Variants in ADAM19 observed in about 807,000 individuals in gnomAD.
ADAM19 encodes ADAM metallopeptidase domain 19, also known as disintegrin and metalloproteinase domain-containing protein 19.
ADAM19 carries 65 observed loss-of-function variants against 114.7 expected under a neutral mutation model. The ratio of observed to expected loss-of-function variants is 0.57; its 90% CI spans 0.46 to 0.70. The LOEUF (loss-of-function observed/expected upper bound fraction) is 0.70. Among genes scored for constraint, ADAM19 ranks in the 30% least tolerant of loss-of-function variants. The pLI is 0.00. For synonymous variants in ADAM19, 466 were observed against 460.5 expected (o/e 1.01, Z -0.15); for missense variants, 1,063 against 1,204.7 (o/e 0.88, Z 1.74).
intron 3 of ADAM19, among the ~76,000 whole-genome samples, chr5:157,538,734 T>C (rs868139794): frequency 6.6e-6 from 1 of 152,154 alleles, no homozygotes; most frequent in Non-Finnish European, 1.5e-5. Flanking sequence ...AGGTTAAGAA[T>C]CCCCTCACCA....
At position 157,477,521 on chromosome 5, in the gene ADAM19, C is replaced by T. The variant is rs892304721; in HGVS notation, c.*3428G>A. 3.7e-5 allele frequency: 42 copies of T among 1,141,828 alleles called. No homozygotes were observed. Among genetic ancestry groups the T allele is most frequent in the African/African-American group, 6.5e-5 (4 of 61,910 alleles). 70.7% of individuals were successfully genotyped at this position (1,141,828 alleles called of 1,614,324 possible). On this transcript the variant is annotated 3_prime_UTR_variant, in exon 23 of 23. Transcript: ENST00000257527. Reference sequence around the variant, plus strand: ...CAGACACATACAAACGCACAGTGGACGGTGTGAGAGGACGCGTTGGGGGTG... The same window carrying T: ...CAGACACATACAAACGCACAGTGGATGGTGTGAGAGGACGCGTTGGGGGTG...
intron 18 of ADAM19, among the ~76,000 whole-genome samples, chr5:157,491,367 C>T (rs1359549386): frequency 6.6e-6 from 1 of 152,232 alleles, no homozygotes; most frequent in African/African-American, 2.4e-5. Context: ...GTCTCTCTTA[C>T]TCTCACTCTA....
At chr5:157,543,870 A>C (rs11739504) in intron 3 of ADAM19, among the ~76,000 whole-genome samples, 10,317 of 152,236 alleles carry the variant, frequency 0.068, 460 homozygotes, top group Middle Eastern at 0.15. Flanking sequence ...CATGGCCTGC[A>C]CTAGTCTAGA....
At position 157,480,227 on chromosome 5, in the gene ADAM19, G is replaced by A. The variant is rs1027260329; in HGVS notation, c.*722C>T. On this transcript the variant is annotated 3_prime_UTR_variant, in exon 23 of 23. Coordinates refer to ENST00000257527, the MANE Select transcript of ADAM19 (RefSeq NM_033274.5). ...TAAAAATTATCCAGAGTCAGGAGTC[G>A]CAACCTTTGGCATCACGGCTCAGAG... 12 of 986,014 alleles carry A rather than the reference G, an allele frequency of 1.2e-5. No homozygotes were observed. The African/African-American group carries it at 1.4e-4, about 11-fold the overall frequency. 61.1% of individuals were successfully genotyped at this position (986,014 alleles called of 1,614,324 possible).
chr5:157,494,894 G>A, intron 14 of ADAM19, 99 bp from the exon 15 acceptor site: 6 of 900,954 alleles, frequency 6.7e-6, no homozygotes, highest in Non-Finnish European at 1.0e-5. Flanking sequence ...AATATTTTCT[G>A]GGAGGGAATA....
chr5:157,502,911 A>G lies in ADAM19; in HGVS notation c.1200T>C (p.Gly400=). ...RELDRYLQSG[G]GMCLSNMPDT... is the part of the protein sequence containing the mutation. ...CTGGCATGTTGGAGAGACACATTCC[A>G]CCACCTGACTGCAGATACCTGTCCA... The change falls in exon 12 of 23, where the codon GGT becomes GGC. Residue 400 remains glycine, a synonymous_variant. Transcript: ENST00000257527. 1 of 1,613,944 alleles carries G rather than the reference A, an allele frequency of 6.2e-7. No homozygotes were observed. Among genetic ancestry groups the G allele is most frequent in the Non-Finnish European group, 8.5e-7 (1 of 1,179,984 alleles).
rs542105623 is a variant in ADAM19, at chr5:157,499,426, G to A, written c.1398+147C>T. On this transcript the variant is annotated intron_variant, in intron 13 of 22. Transcript: ENST00000257527. ...ATAGGAATAGTAAATTTTATTCAAG[G>A]CACCTTTTCCGCTCTGTGTTTCTGA... 4 of 708,212 alleles carry A rather than the reference G, an allele frequency of 5.6e-6. No homozygotes were observed. In the African/African-American group the frequency reaches 7.1e-5, roughly 13 times the overall value. 43.9% of individuals were successfully genotyped at this position (708,212 alleles called of 1,614,324 possible). A position where few individuals can be genotyped will look rare whatever the true frequency, so the allele number is the denominator to read the frequency against.
intron 13 of ADAM19, 111 bp from the exon 14 acceptor site, chr5:157,497,200 G>A (rs760415532): frequency 1.0e-6 from 1 of 999,418 alleles, no homozygotes; most frequent in Non-Finnish European, 1.4e-6. Flanking sequence ...CCATTACCAT[G>A]ATTTCACAGC....
At chr5:157,526,538 G>C (rs1008841820) in intron 5 of ADAM19, among the ~76,000 whole-genome samples, 1 of 152,092 alleles carries the variant, frequency 6.6e-6, no homozygotes, top group African/African-American at 2.4e-5. Context: ...TAGATATTTA[G>C]AGAATGTCTT....
At chr5:157,487,539 C>A (rs1457598814) in intron 21 of ADAM19, among the ~76,000 whole-genome samples, 1 of 152,198 alleles carries the variant, frequency 6.6e-6, no homozygotes, top group African/African-American at 2.4e-5. Flanking sequence ...CGGCCGCCAC[C>A]CAGGAAACAC....
intron 3 of ADAM19, among the ~76,000 whole-genome samples, chr5:157,543,637 G>T (rs972288109): frequency 6.6e-6 from 1 of 152,134 alleles, no homozygotes; most frequent in Non-Finnish European, 1.5e-5. Flanking sequence ...GCAAAATCTT[G>T]ATCATTGTTA....
chr5:157,481,652 G>A (rs755985728), intron 22 of ADAM19, 139 bp downstream of exon 22: 3 of 1,551,596 alleles, frequency 1.9e-6, no homozygotes, highest in Non-Finnish European at 2.6e-6. Flanking sequence ...AAACATGAAT[G>A]TTTTGCCCTT....
At chr5:157,567,685 T>G (rs1215762071) in intron 2 of ADAM19, among the ~76,000 whole-genome samples, 3 of 151,760 alleles carry the variant, frequency 2.0e-5, no homozygotes, top group Non-Finnish European at 2.9e-5. Flanking sequence ...TAATCCCAGC[T>G]ACTTGGGAGG....
chr5:157,544,124 C>T (rs768549034), intron 3 of ADAM19, among the ~76,000 whole-genome samples: 48 of 152,056 alleles, frequency 3.2e-4, no homozygotes, highest in Non-Finnish European at 5.9e-4. Flanking sequence ...AACAGAAAGG[C>T]GAAGGAAGGG....
At chr5:157,498,466 C>T (rs1191669786) in intron 13 of ADAM19, among the ~76,000 whole-genome samples, 8 of 152,154 alleles carry the variant, frequency 5.3e-5, no homozygotes, top group Admixed American at 2.0e-4. Flanking sequence ...GGATAATAAC[C>T]CACTAATGGG....
At chr5:157,532,939 A>G (rs979410934) in intron 4 of ADAM19, among the ~76,000 whole-genome samples, 6 of 152,350 alleles carry the variant, frequency 3.9e-5, no homozygotes, top group Non-Finnish European at 7.3e-5. Flanking sequence ...AATATCGTAC[A>G]TAAAGGAGCT....
chr5:157,575,510 G>C (rs982496451), intron 1 of ADAM19, 93 bp downstream of exon 1: 4 of 938,580 alleles, frequency 4.3e-6, no homozygotes, highest in Non-Finnish European at 5.8e-6. Context: ...TGCGGGAGGC[G>C]CAGGGGTCGC....
rs1754719235 is a variant in ADAM19 at position 157,480,682 on chromosome 5, ACCCTCCTCATACTCTC to A, written c.*251_*266del. 5 of 1,262,018 alleles carry A rather than the reference ACCCTCCTCATACTCTC, an allele frequency of 4.0e-6. No homozygotes were observed. Among genetic ancestry groups the A allele is most frequent in the Non-Finnish European group, 4.0e-6 (4 of 999,218 alleles). The allele number at this position is 1,262,018 out of a possible 1,614,324, so 78.2% of individuals were successfully genotyped here. A position where few individuals can be genotyped will look rare whatever the true frequency, so the allele number is the denominator to read the frequency against. ...GAGTCTGGAGGAGAAGCTGCCAGTC[ACCCTCCTCATACTCTC>A]CCCTCCCTACCTGGGGCTGTATATT... On this transcript the variant is annotated 3_prime_UTR_variant, in exon 23 of 23. Transcript: ENST00000257527.
In ADAM19 at chr5:157,499,616, G is replaced by C; in HGVS notation, c.1355C>G (p.Pro452Arg). The change falls in exon 13 of 23, where the codon CCG becomes CGG. Residue 452 changes from proline to arginine, a missense_variant. This residue lies in a region of ADAM19 where 615 missense variants were observed against 706.3 expected (regional missense o/e 0.87). Transcript: ENST00000257527. ...GGAGCCGTGAGCACACTCCGCCCCC[G>C]GCCTCAGGGTACAATTAGAGGCATT... is the stretch of plus-strand genomic sequence containing the variant. The part of the protein sequence containing the change: ...CCNASNCTLR[P>R]GAECAHGSCC... 1.2e-6 allele frequency: 2 copies of C among 1,613,414 alleles called. No homozygotes were observed. Among genetic ancestry groups the C allele is most frequent in the Non-Finnish European group, 1.7e-6 (2 of 1,179,850 alleles).
Sources: gnomAD v4.1 joint callset for allele counts (sites outside exome capture counted in the v4.1 genomes callset) on GRCh38, gnomAD v4.1.1 for gene constraint, gnomAD v4.1.1 regional missense constraint, MANE v1.5 for transcripts, NCBI Gene and HGNC (gene_info 2026-07-23, HGNC 2026-07-21) for gene names.